The following EYA1 variants were observed in gnomAD, a reference collection of about 807,000 sequenced individuals.
EYA1 encodes EYA transcriptional coactivator and phosphatase 1, also known as protein phosphatase EYA1.
Under a neutral mutation model 82.0 loss-of-function variants are expected in EYA1, and 16 were observed. That is an observed-to-expected ratio of 0.20 (90% CI 0.13 to 0.30). The LOEUF (loss-of-function observed/expected upper bound fraction) is 0.30, where lower values mean the gene tolerates loss of function less well. Among genes scored for constraint, EYA1 ranks in the 10% least tolerant of loss-of-function variants. The probability of loss-of-function intolerance (pLI) is 1.00; values close to 1 mark genes in which losing one functional copy is unlikely to be tolerated. For missense variants in EYA1, 633 were observed against 730.7 expected, an observed-to-expected ratio of 0.87 and a Z score of 1.54; for synonymous variants, 261 against 264.4, an observed-to-expected ratio of 0.99 and a Z score of 0.12.
chr8:71,451,402 C>T (rs768266099), intron 2 of EYA1, among the ~76,000 whole-genome samples: 55 of 151,966 alleles, frequency 3.6e-4, no homozygotes, highest in Non-Finnish European at 7.4e-4. Flanking sequence ...AAATATCATA[C>T]AGTAAATAAA....
At chr8:71,377,477 G>A (rs1244626569) in intron 2 of EYA1, among the ~76,000 whole-genome samples, 1 of 152,124 alleles carries the variant, frequency 6.6e-6, no homozygotes, top group African/African-American at 2.4e-5. Flanking sequence ...TTACATTGAA[G>A]TCACTCTTGC....
intron 2 of EYA1, among the ~76,000 whole-genome samples, chr8:71,400,237 C>T (rs1829879238): frequency 1.3e-5 from 2 of 152,140 alleles, no homozygotes; most frequent in South Asian, 4.1e-4. Context: ...TAGGCGCAGG[C>T]AAAGATTTCA....
chr8:71,529,772 G>C (rs1814119169), intron 2 of EYA1: 1 of 152,116 alleles, frequency 6.6e-6, no homozygotes, highest in African/African-American at 2.4e-5. Context: ...GAGAAAGCCA[G>C]TCTATAAACA....
At chr8:71,496,913 G>GAAAAA (rs34711030) in intron 2 of EYA1, among the ~76,000 whole-genome samples, 1 of 140,326 alleles carries the variant, frequency 7.1e-6, no homozygotes. Context: ...AACTGTCTAA[G>GAAAAA]AAAAAAAAAA....
At chr8:71,318,038 T>C (rs1822124809) in intron 6 of EYA1, among the ~76,000 whole-genome samples, 1 of 152,244 alleles carries the variant, frequency 6.6e-6, no homozygotes, top group Non-Finnish European at 1.5e-5. Flanking sequence ...GAAATAGCCA[T>C]AATTAAATTT....
At chr8:71,425,718 ATTTG>A (rs997390017) in intron 2 of EYA1, among the ~76,000 whole-genome samples, 1 of 152,100 alleles carries the variant, frequency 6.6e-6, no homozygotes, top group African/African-American at 2.4e-5. Context: ...AGGTGAATGT[ATTTG>A]TTTGCTTTGG....
chr8:71,371,856 A>G (rs1828100326), intron 2 of EYA1, among the ~76,000 whole-genome samples: 1 of 152,136 alleles, frequency 6.6e-6, no homozygotes, highest in Non-Finnish European at 1.5e-5. Flanking sequence ...GTAAGATCAC[A>G]GGAAAATAAA....
rs534599800 is a variant in EYA1, at chr8:71,289,542, T to C, written c.826+9505A>G. On this transcript the variant is annotated intron_variant, in intron 9 of 17. Transcript: ENST00000340726. ...TTTACATTTTCATTTTTCTGCTCCT[T>C]TGAAACTTCAGACACAGTGGTTTCA... is the stretch of plus-strand genomic sequence containing the variant. 6.8e-4 allele frequency among the ~76,000 whole-genome samples: 104 copies of C among 152,328 alleles called. No individual in the cohort carries two copies. In the South Asian group the frequency reaches 0.02, roughly 29 times the overall value.
At chr8:71,418,203 G>A (rs559537530) in intron 2 of EYA1, among the ~76,000 whole-genome samples, 110 of 152,264 alleles carry the variant, frequency 7.2e-4, no homozygotes, top group African/African-American at 2.3e-3. Context: ...ACTTGGTGCC[G>A]AAGTTGTAAA....
rs947561798 is a variant in EYA1 at position 71,198,842 on chromosome 8, T to A, written c.*498A>T. The A allele has an allele frequency of 1.2e-5, 2 of 161,110 alleles. No individual in the cohort carries two copies. Among genetic ancestry groups the A allele is most frequent in the Non-Finnish European group, 2.7e-5 (2 of 72,786 alleles). 10.0% of individuals were successfully genotyped at this position (161,110 alleles called of 1,614,324 possible). ...CAATAAAGCTGTTTTTTTATCTTTTTAAAAAAAGTCTGTTCATAAATAAGT... is the reference window on the plus strand; with the variant it reads ...CAATAAAGCTGTTTTTTTATCTTTTAAAAAAAAGTCTGTTCATAAATAAGT... On this transcript the variant is annotated 3_prime_UTR_variant, in exon 18 of 18. Transcript: ENST00000340726.
chr8:71,342,623 G>C (rs1825265876), intron 3 of EYA1, among the ~76,000 whole-genome samples: 1 of 152,090 alleles, frequency 6.6e-6, no homozygotes, highest in Non-Finnish European at 1.5e-5. Flanking sequence ...AACCTACTAT[G>C]AATTTGTAGA....
intron 9 of EYA1, 132 bp downstream of exon 9, chr8:71,298,915 C>A: frequency 1.3e-6 from 1 of 763,090 alleles, no homozygotes; most frequent in South Asian, 1.5e-5. Flanking sequence ...AGTCATGCTG[C>A]TTGACTTATA....
intron 2 of EYA1, among the ~76,000 whole-genome samples, chr8:71,467,179 A>C (rs575896052): frequency 1.3e-5 from 2 of 152,146 alleles, no homozygotes; most frequent in South Asian, 4.1e-4. Flanking sequence ...ATATATATAC[A>C]TTATTTTAAA....
At chr8:71,459,490 A>G (rs1424648452) in intron 2 of EYA1, among the ~76,000 whole-genome samples, 1 of 152,168 alleles carries the variant, frequency 6.6e-6, no homozygotes, top group African/African-American at 2.4e-5. Context: ...ATGATCCATG[A>G]AAGTGCCTTG....
chr8:71,470,889 T>C (rs73298400), intron 2 of EYA1: 46,061 of 455,154 alleles, frequency 0.1, 6,094 homozygotes, highest in East Asian at 0.48. Flanking sequence ...GCTGCTGTGG[T>C]TGCTCCAAAT....
chr8:71,337,236 C>A (rs1228799417), intron 3 of EYA1, among the ~76,000 whole-genome samples: 1 of 152,152 alleles, frequency 6.6e-6, no homozygotes, highest in African/African-American at 2.4e-5. Context: ...ATCTGTTCCC[C>A]TTTAAATAAC....
At chr8:71,338,004 C>G (rs536201383) in intron 3 of EYA1, among the ~76,000 whole-genome samples, 3 of 152,350 alleles carry the variant, frequency 2.0e-5, no homozygotes, top group African/African-American at 7.2e-5. Flanking sequence ...TCATTCCACA[C>G]TGTGCTAGGT....
intron 2 of EYA1, among the ~76,000 whole-genome samples, chr8:71,385,493 T>C (rs1828926017): frequency 6.6e-6 from 1 of 152,174 alleles, no homozygotes; most frequent in African/African-American, 2.4e-5. Flanking sequence ...ATCTAAACTG[T>C]CTATTGACTA....
chr8:71,450,052 A>G (rs1807226850), intron 2 of EYA1, among the ~76,000 whole-genome samples: 1 of 152,210 alleles, frequency 6.6e-6, no homozygotes, highest in Admixed American at 6.5e-5. Context: ...GCTTAAGGGA[A>G]TGTTGTAGCT....
Sources: gnomAD v4.1 joint callset for allele counts (sites outside exome capture counted in the v4.1 genomes callset) on GRCh38, gnomAD v4.1.1 for gene constraint, MANE v1.5 for transcripts, NCBI Gene and HGNC (gene_info 2026-07-23, HGNC 2026-07-21) for gene names.